PXDNL: variants seen among roughly 807,000 people sequenced by gnomAD.
PXDNL encodes probable oxidoreductase PXDNL.
PXDNL carries 145 observed loss-of-function variants against 150.8 expected under a neutral mutation model. The ratio of observed to expected loss-of-function variants is 0.96; its 90% CI spans 0.84 to 1.10. The LOEUF is 1.10. PXDNL is among the 50% of genes least tolerant of loss of function. PXDNL has a pLI of 0.00. For missense variants in PXDNL, 2,087 were observed against 1,873.9 expected, an observed-to-expected ratio of 1.11 and a Z score of -2.10; for synonymous variants, 757 against 725.7, an observed-to-expected ratio of 1.04 and a Z score of -0.69.
chr8:51,656,675 T>C (rs1448613761), intron 1 of PXDNL, among the ~76,000 whole-genome samples: 1 of 152,110 alleles, frequency 6.6e-6, no homozygotes, highest in Admixed American at 6.5e-5. Flanking sequence ...TTCTGAAAAA[T>C]TCAGAAAAGT....
At chr8:51,577,896 TAAGA>T (rs1179175374) in intron 3 of PXDNL, among the ~76,000 whole-genome samples, 1 of 103,110 alleles carries the variant, frequency 9.7e-6, no homozygotes, top group Non-Finnish European at 2.1e-5. Flanking sequence ...AACATACAAA[TAAGA>T]AAGAAAGAGA....
At chr8:51,478,333 G>A (rs987191419) in intron 6 of PXDNL, among the ~76,000 whole-genome samples, 3 of 152,110 alleles carry the variant, frequency 2.0e-5, no homozygotes, top group Non-Finnish European at 4.4e-5. Context: ...ATGGTATGCA[G>A]TCAAGAACCA....
At chr8:51,584,290 T>A (rs117322585) in intron 3 of PXDNL, among the ~76,000 whole-genome samples, 425 of 152,272 alleles carry the variant, frequency 2.8e-3, no homozygotes, top group Non-Finnish European at 4.9e-3. Flanking sequence ...ACCTGCTGAG[T>A]GACCAGTCCA....
intron 17 of PXDNL, among the ~76,000 whole-genome samples, chr8:51,391,331 T>C (rs1331869302): frequency 6.6e-6 from 1 of 152,162 alleles, no homozygotes; most frequent in Admixed American, 6.5e-5. Flanking sequence ...ACTTCCACAA[T>C]GGTTGAACTA....
In PXDNL at chr8:51,497,566, C is replaced by A. The variant is rs147552774; in HGVS notation, c.452+2133G>T. 1.0e-3 allele frequency among the ~76,000 whole-genome samples: 158 copies of A among 151,782 alleles called. 1 individual carries two copies. Among genetic ancestry groups the A allele is most frequent in the African/African-American group, 3.4e-3 (141 of 41,480 alleles). ...AAAGGGCTAATATCCAGAATCTACACTGAACTCAAATTTACAAGAAAAAAG... is the reference window on the plus strand; with the variant it reads ...AAAGGGCTAATATCCAGAATCTACAATGAACTCAAATTTACAAGAAAAAAG... On this transcript the variant is annotated intron_variant, in intron 5 of 22. Coordinates refer to ENST00000356297, the MANE Select transcript of PXDNL (RefSeq NM_144651.5).
intron 2 of PXDNL, among the ~76,000 whole-genome samples, chr8:51,650,192 C>G (rs1370523196): frequency 6.6e-6 from 1 of 150,396 alleles, no homozygotes; most frequent in African/African-American, 2.4e-5. Context: ...TTATATACAG[C>G]AAAATAGTAT....
At chr8:51,778,125 A>G (rs1585743407) in intron 1 of PXDNL, among the ~76,000 whole-genome samples, 1 of 152,234 alleles carries the variant, frequency 6.6e-6, no homozygotes, top group East Asian at 1.9e-4. Flanking sequence ...TCACAAGGTC[A>G]GGAGATCGAG....
intron 19 of PXDNL, among the ~76,000 whole-genome samples, chr8:51,365,337 G>C (rs1806881092): frequency 6.6e-6 from 1 of 152,220 alleles, no homozygotes; most frequent in Admixed American, 6.5e-5. Flanking sequence ...CTGTGTAGTT[G>C]TTGGCACTTC....
chr8:51,764,549 T>C (rs962955419), intron 1 of PXDNL, among the ~76,000 whole-genome samples: 4 of 145,900 alleles, frequency 2.7e-5, no homozygotes, highest in Non-Finnish European at 5.9e-5. Context: ...TTAATATTTC[T>C]TCTCTGAATC....
chr8:51,520,839 A>T (rs1337973879), intron 4 of PXDNL, among the ~76,000 whole-genome samples: 1 of 152,100 alleles, frequency 6.6e-6, no homozygotes. Flanking sequence ...AGTCATAAAA[A>T]CGCAAACATT....
At chr8:51,428,088 G>A (rs923195571) in intron 12 of PXDNL, among the ~76,000 whole-genome samples, 5 of 152,020 alleles carry the variant, frequency 3.3e-5, no homozygotes, top group Non-Finnish European at 7.4e-5. Flanking sequence ...ACGAACATAT[G>A]GACATAGATC....
chr8:51,717,733 G>A (rs894822437), intron 1 of PXDNL, among the ~76,000 whole-genome samples: 3 of 152,220 alleles, frequency 2.0e-5, no homozygotes, highest in African/African-American at 7.2e-5. Context: ...GGCCAGGATA[G>A]GCCTCATTGG....
intron 4 of PXDNL, among the ~76,000 whole-genome samples, chr8:51,546,611 C>T (rs1306578569): frequency 6.6e-6 from 1 of 152,138 alleles, no homozygotes; most frequent in African/African-American, 2.4e-5. Flanking sequence ...CATGAACTTT[C>T]CTGAACAAAA....
rs555216660 is a variant in PXDNL, at chr8:51,726,109, T to C, written c.165-71349A>G. ...GAGACTTAAACATTACAGAAAGAAATGCAGCGTTTTTTGATGCCCTGTGTG... is the reference window on the plus strand; with the variant it reads ...GAGACTTAAACATTACAGAAAGAAACGCAGCGTTTTTTGATGCCCTGTGTG... On this transcript the variant is annotated intron_variant, in intron 1 of 22. Coordinates refer to ENST00000356297, the MANE Select transcript of PXDNL (RefSeq NM_144651.5). Among the ~76,000 whole-genome samples, 4 of 152,328 alleles carry C rather than the reference T, an allele frequency of 2.6e-5. No homozygotes were observed. In the East Asian group the frequency reaches 7.7e-4, roughly 29 times the overall value.
intron 19 of PXDNL, among the ~76,000 whole-genome samples, chr8:51,359,953 T>TC (rs1361218119): frequency 6.6e-6 from 1 of 151,278 alleles, no homozygotes; most frequent in Non-Finnish European, 1.5e-5. Context: ...AAAAGATACT[T>TC]GAGTACAAAA....
At chr8:51,694,838 T>C (rs1816082376) in intron 1 of PXDNL, among the ~76,000 whole-genome samples, 1 of 152,232 alleles carries the variant, frequency 6.6e-6, no homozygotes, top group Non-Finnish European at 1.5e-5. Context: ...GAATAAAATT[T>C]TATGAAATCT....
intron 6 of PXDNL, among the ~76,000 whole-genome samples, chr8:51,483,022 G>A (rs376363486): frequency 6.6e-6 from 1 of 152,326 alleles, no homozygotes; most frequent in East Asian, 1.9e-4. Context: ...TTGAGGATTA[G>A]TGGAGGGGGT....
At chr8:51,607,071 T>C (rs777355792) in intron 2 of PXDNL, among the ~76,000 whole-genome samples, 12 of 152,368 alleles carry the variant, frequency 7.9e-5, no homozygotes, top group Middle Eastern at 3.4e-3. Flanking sequence ...TACAATAATG[T>C]ACTTAAATAT....
intron 21 of PXDNL, among the ~76,000 whole-genome samples, chr8:51,332,926 C>A (rs548855251): frequency 3.4e-4 from 52 of 152,240 alleles, no homozygotes; most frequent in African/African-American, 1.2e-3. Context: ...GGGGAATAAT[C>A]GAGGAAAACT....
Sources: allele counts gnomAD v4.1 joint callset (sites outside exome capture counted in the v4.1 genomes callset), GRCh38; gene constraint gnomAD v4.1.1; transcripts MANE v1.5; gene names NCBI Gene and HGNC (gene_info 2026-07-23, HGNC 2026-07-21).